The following ABCB4 variants were observed in gnomAD, a reference collection of about 807,000 sequenced individuals.
ABCB4 encodes the protein phosphatidylcholine translocator ABCB4.
ABCB4 carries 76 observed loss-of-function variants against 145.7 expected under a neutral mutation model. The ratio of observed to expected loss-of-function variants is 0.52; its 90% CI spans 0.43 to 0.63. ABCB4 has a LOEUF of 0.63. Among genes scored for constraint, ABCB4 ranks in the 30% least tolerant of loss-of-function variants. ABCB4 has a pLI of 0.00. For missense variants in ABCB4, 1,234 were observed against 1,553.1 expected (o/e 0.79, Z 3.45); for synonymous variants, 517 against 566.8 (o/e 0.91, Z 1.25).
chr7:87,372,845 T>C, the ABCB4 span, among the ~76,000 whole-genome samples: 2 of 152,170 alleles, frequency 1.3e-5, no homozygotes, highest in African/African-American at 2.4e-5. Context: ...TTTTATTAAC[T>C]ATTCATCAGT....
Position 87,426,930 on chromosome 7 carries a change from T to C in ABCB4, c.1894-10A>G. 6.2e-7 allele frequency: 1 copy of C among 1,601,612 alleles called. No homozygotes were observed. The highest frequency in any genetic ancestry group is 8.5e-7 in the Non-Finnish European group (1 of 1,174,504). On this transcript the variant is annotated splice_polypyrimidine_tract_variant and intron_variant, in intron 15 of 27. Transcript: ENST00000649586. Reference sequence around the variant, plus strand: ...TCTGGCTTCCTGATGTCTGAAAGAATATCAAGACATTAAAGTGTGTGTGTG... The same window carrying C: ...TCTGGCTTCCTGATGTCTGAAAGAACATCAAGACATTAAAGTGTGTGTGTG...
At position 87,472,606 on chromosome 7, in the gene ABCB4, C is replaced by T. The variant is rs777195214; in HGVS notation, c.135+15G>A. On this transcript the variant is annotated intron_variant, in intron 3 of 27. Coordinates refer to ENST00000649586, the MANE Select transcript of ABCB4 (RefSeq NM_000443.4). ...AAAAGGTAGGATTATTCACATTTAA[C>T]ATTTCACAGCTTACCAATGTTAATA... 4.4e-6 allele frequency: 7 copies of T among 1,595,478 alleles called. No individual in the cohort carries two copies. In the African/African-American group the frequency reaches 6.7e-5, roughly 15 times the overall value.
chr7:87,469,236 A>G (rs1813179709), intron 3 of ABCB4, among the ~76,000 whole-genome samples: 3 of 152,236 alleles, frequency 2.0e-5, no homozygotes, highest in Admixed American at 1.3e-4. Flanking sequence ...ACATAATAAG[A>G]GCTATTTATG....
At chr7:87,398,585 C>T, downstream of ABCB4, 1 of 1,613,680 alleles carries the variant, frequency 6.2e-7, no homozygotes, top group Non-Finnish European at 8.5e-7. Context: ...AAAGCTAGTT[C>T]AGCTGACTTT....
downstream of ABCB4, among the ~76,000 whole-genome samples, chr7:87,397,311 A>G (rs1473100474): frequency 6.6e-6 from 1 of 151,688 alleles, no homozygotes; most frequent in Non-Finnish European, 1.5e-5. Flanking sequence ...AGATCATGCC[A>G]CTGCACTCCA....
At chr7:87,389,278 T>C in the ABCB4 span, among the ~76,000 whole-genome samples, 5 of 152,200 alleles carry the variant, frequency 3.3e-5, no homozygotes, top group African/African-American at 1.2e-4. Context: ...GCTAGATATA[T>C]ACCCAAAGGA....
chr7:87,377,602 A>T, the ABCB4 span: 1 of 570,608 alleles, frequency 1.8e-6, no homozygotes, highest in East Asian at 2.9e-5. Flanking sequence ...ATTCTCATTG[A>T]AAGTATAGGA....
chr7:87,367,408 T>C, the ABCB4 span, among the ~76,000 whole-genome samples: 14 of 152,234 alleles, frequency 9.2e-5, no homozygotes, highest in African/African-American at 2.7e-4. Context: ...ACAGCCCTGA[T>C]GGCACCTTCA....
At chr7:87,392,952 G>A in the ABCB4 span, 1 of 1,613,604 alleles carries the variant, frequency 6.2e-7, no homozygotes, top group Non-Finnish European at 8.5e-7. Flanking sequence ...ACACAGCGGA[G>A]GAGGTGGAAA....
chr7:87,406,161 G>A, intron 26 of ABCB4, 127 bp downstream of exon 26: 1 of 944,400 alleles, frequency 1.1e-6, no homozygotes, highest in Non-Finnish European at 1.7e-6. Flanking sequence ...ATCCTGAAGT[G>A]CCTTGTCCAA....
Position 87,402,493 on chromosome 7 carries a change from A to G in ABCB4, c.3634-191T>C, listed in dbSNP as rs1526090. 0.71 allele frequency among the ~76,000 whole-genome samples: 108,232 copies of G among 152,088 alleles called. 40,157 individuals are homozygous for G. Among genetic ancestry groups the G allele is most frequent in the Middle Eastern group, 0.83 (244 of 294 alleles). The stretch of plus-strand genomic sequence containing the variant: ...CATAGTTATGTTCTGCTTTTTAAAT[A>G]TAACACAAATGGGTTCCCATGCTGT... On this transcript the variant is annotated intron_variant, in intron 27 of 27. Coordinates refer to ENST00000649586, the MANE Select transcript of ABCB4 (RefSeq NM_000443.4).
At chr7:87,460,062 G>A (rs550238139) in intron 4 of ABCB4, among the ~76,000 whole-genome samples, 3 of 152,186 alleles carry the variant, frequency 2.0e-5, no homozygotes, top group African/African-American at 4.8e-5. Context: ...GGCAGCTGGT[G>A]TAAGTTCCTA....
chr7:87,428,632 T>C lies in ABCB4; in HGVS notation c.1894-1712A>G, dbSNP rs1175408030. On this transcript the variant is annotated intron_variant, in intron 15 of 27. Transcript: ENST00000649586. ...ACGCAAGAGAAGAGTGTATTTTCTTTTTATGTAAAGAGTTCTCACAAATCA... is the reference window on the plus strand; with the variant it reads ...ACGCAAGAGAAGAGTGTATTTTCTTCTTATGTAAAGAGTTCTCACAAATCA... Among the ~76,000 whole-genome samples, 65 of 152,326 alleles carry C rather than the reference T, an allele frequency of 4.3e-4. 1 individual carries two copies. The highest frequency in any genetic ancestry group is 1.3e-4 in the Non-Finnish European group (9 of 68,034).
In ABCB4 at chr7:87,462,714, A is replaced by C. The variant is rs1257112965; in HGVS notation, c.286+44T>G. On this transcript the variant is annotated intron_variant, in intron 4 of 27. Coordinates refer to ENST00000649586, the MANE Select transcript of ABCB4 (RefSeq NM_000443.4). ...TCAACTCCCAAATTTTTACCCAGTTAAAGAAATGCTATGGATTTTTTTAAA... is the reference window on the plus strand; with the variant it reads ...TCAACTCCCAAATTTTTACCCAGTTCAAGAAATGCTATGGATTTTTTTAAA... The C allele has an allele frequency of 3.1e-6, 5 of 1,601,702 alleles. No individual in the cohort carries two copies. In the Admixed American group the frequency reaches 8.3e-5, roughly 27 times the overall value.
At chr7:87,451,034 A>C (rs1473152) in intron 7 of ABCB4, among the ~76,000 whole-genome samples, 40,666 of 152,152 alleles carry the variant, frequency 0.27, 6,592 homozygotes, top group African/African-American at 0.46. Context: ...TAGAACAAAT[A>C]CAAACTCTAT....
At chr7:87,420,267 C>T (rs45540936) in intron 18 of ABCB4, among the ~76,000 whole-genome samples, 192 bp from the exon 19 acceptor site, 6 of 152,036 alleles carry the variant, frequency 3.9e-5, no homozygotes, top group African/African-American at 9.7e-5. Flanking sequence ...CTAAGTGCTC[C>T]GAAACAAGAA....
At position 87,417,438 on chromosome 7, in the gene ABCB4, G is replaced by T. The variant is rs533310204; in HGVS notation, c.2556C>A (p.Tyr852Ter). 6.2e-7 allele frequency: 1 copy of T among 1,614,068 alleles called. No individual in the cohort carries two copies. Among genetic ancestry groups the T allele is most frequent in the Non-Finnish European group, 8.5e-7 (1 of 1,179,944 alleles). The change falls in exon 21 of 28, where the codon TAC becomes TAA. Residue 852 changes from tyrosine (Y) to a stop codon, truncating the protein, a stop_gained. Transcript: ENST00000649586. LOFTEE classifies it high-confidence loss of function. ...ATAGCAATAGGGTTAACTGCCAACC[G>T]TAGATAAATGATATGATAATACCAG... ...LGTGIIISFI[Y>*]GWQLTLLLLA...
intron 14 of ABCB4, among the ~76,000 whole-genome samples, chr7:87,436,934 C>T (rs952805437): frequency 1.3e-5 from 2 of 152,204 alleles, no homozygotes; most frequent in African/African-American, 4.8e-5. Context: ...TGAAGACCCT[C>T]ATCTGTATTA....
chr7:87,459,585 A>AT (rs946539878), intron 4 of ABCB4, among the ~76,000 whole-genome samples: 12 of 150,240 alleles, frequency 8.0e-5, no homozygotes, highest in South Asian at 2.1e-4. Context: ...GCCATTTAAA[A>AT]TTTTTTTTTT....
Sources: gnomAD v4.1 joint callset for allele counts (sites outside exome capture counted in the v4.1 genomes callset) on GRCh38, gnomAD v4.1.1 for gene constraint, MANE v1.5 for transcripts, NCBI Gene and HGNC (gene_info 2026-07-23, HGNC 2026-07-21) for gene names.